Variants in KLHL6 observed in about 807,000 individuals in gnomAD.
The protein encoded by KLHL6 is kelch-like protein 6.
In KLHL6, 41 loss-of-function variants were observed where a neutral mutation model predicts 58.6. The observed-to-expected ratio is 0.70, with a 90% CI of 0.55 to 0.91. The LOEUF (loss-of-function observed/expected upper bound fraction) is 0.91, where lower values mean the gene tolerates loss of function less well. Among genes scored for constraint, KLHL6 ranks in the 40% least tolerant of loss-of-function variants. KLHL6 has a pLI of 0.00. For missense variants in KLHL6, 714 were observed against 805.6 expected, an observed-to-expected ratio of 0.89 and a Z score of 1.38; for synonymous variants, 338 against 322.7, an observed-to-expected ratio of 1.05 and a Z score of -0.51.
At chr3:183,508,627 G>A in intron 2 of KLHL6, 119 bp from the exon 3 acceptor site, 4 of 761,882 alleles carry the variant, frequency 5.3e-6, no homozygotes, top group Non-Finnish European at 2.1e-6. Context: ...CAACAGTACA[G>A]GATGAGCTAA....
chr3:183,534,950 A>ATATATAT (rs1356557331), intron 1 of KLHL6, among the ~76,000 whole-genome samples: 10 of 96,738 alleles, frequency 1.0e-4, no homozygotes, highest in African/African-American at 3.0e-4. Flanking sequence ...ATATATATAT[A>ATATATAT]TTTTTTTTTT....
chr3:183,535,336 C>T (rs1712330511), intron 1 of KLHL6, among the ~76,000 whole-genome samples: 1 of 152,228 alleles, frequency 6.6e-6, no homozygotes, highest in South Asian at 2.1e-4. Context: ...CCATATTAGA[C>T]AGTGCAGCTC....
rs760762501 is a variant in KLHL6, at chr3:183,499,559, C to T, written c.1147+31G>A. ...AGGAATATATGTAGTGCTACTGGAG[C>T]TTGCTTTGCCTTTACATGACTCCTG... is the stretch of plus-strand genomic sequence containing the variant. On this transcript the variant is annotated intron_variant, in intron 4 of 6. Coordinates refer to ENST00000341319, the MANE Select transcript of KLHL6 (RefSeq NM_130446.4). This position sits in a 1 kb window ranked among gnomAD's most constrained non-coding sequence, Gnocchi z 4.6. 3.1e-5 allele frequency: 45 copies of T among 1,474,208 alleles called. No homozygotes were observed. Among genetic ancestry groups the T allele is most frequent in the Non-Finnish European group, 4.0e-5 (43 of 1,078,140 alleles). 91.3% of individuals were successfully genotyped at this position (1,474,208 alleles called of 1,614,324 possible). A position where few individuals can be genotyped will look rare whatever the true frequency, so the allele number is the denominator to read the frequency against.
intron 2 of KLHL6, among the ~76,000 whole-genome samples, chr3:183,516,688 T>A (rs1462361727): frequency 6.6e-6 from 1 of 152,214 alleles, no homozygotes; most frequent in Non-Finnish European, 1.5e-5. Context: ...CATGTCTCCC[T>A]CAAGGTGCCT....
In KLHL6 at chr3:183,491,557, C is replaced by T. The variant is rs1041889728; in HGVS notation, c.*370G>A. On this transcript the variant is annotated 3_prime_UTR_variant, in exon 7 of 7. Transcript: ENST00000341319. ...CTTGCTATCTGAGTGATCAGGGGCA[C>T]GCCACTTAGCCTCTGTGAAACTTGG... is the stretch of plus-strand genomic sequence containing the variant. The T allele has an allele frequency of 8.8e-5, 17 of 192,430 alleles. No individual in the cohort carries two copies. The highest frequency in any genetic ancestry group is 1.1e-5 in the Non-Finnish European group (1 of 95,186). 11.9% of individuals were successfully genotyped at this position (192,430 alleles called of 1,614,324 possible). A position where few individuals can be genotyped will look rare whatever the true frequency, so the allele number is the denominator to read the frequency against.
chr3:183,500,975 T>A (rs992300295), intron 3 of KLHL6, among the ~76,000 whole-genome samples: 1 of 152,212 alleles, frequency 6.6e-6, no homozygotes, highest in Non-Finnish European at 1.5e-5. Flanking sequence ...AGCCTCTACT[T>A]TTCCATAACA....
Position 183,499,835 on chromosome 3 carries a change from TCGATGGGGGTACA to T in KLHL6, c.910-21_910-9del. 1 of 1,561,990 alleles carries T rather than the reference TCGATGGGGGTACA, an allele frequency of 6.4e-7. No individual in the cohort carries two copies. The highest frequency in any genetic ancestry group is 1.2e-5 in the South Asian group (1 of 83,902). On this transcript the variant is annotated splice_polypyrimidine_tract_variant and intron_variant, in intron 3 of 6. Coordinates refer to ENST00000341319, the MANE Select transcript of KLHL6 (RefSeq NM_130446.4). This position sits in a 1 kb window ranked among gnomAD's most constrained non-coding sequence, Gnocchi z 4.6. ...GGTGCGTTCCGAAATGATCTGGAAA[TCGATGGGGGTACA>T]TGAAGGCAGGGACAACACAAAGTTT...
chr3:183,533,431 CT>C (rs76733908), intron 1 of KLHL6, among the ~76,000 whole-genome samples: 248 of 144,646 alleles, frequency 1.7e-3, no homozygotes, highest in East Asian at 1.8e-3. Context: ...CCACACCCAA[CT>C]TTTTTTTTTT....
chr3:183,536,021 C>T (rs558088566), intron 1 of KLHL6, among the ~76,000 whole-genome samples: 2 of 152,104 alleles, frequency 1.3e-5, no homozygotes, highest in African/African-American at 4.8e-5. Context: ...TGATCTGCCC[C>T]CCTCGGGCTC....
At chr3:183,506,314 C>T (rs527591612) in intron 3 of KLHL6, among the ~76,000 whole-genome samples, 2 of 152,310 alleles carry the variant, frequency 1.3e-5, no homozygotes, top group African/African-American at 4.8e-5. Flanking sequence ...ATTCACCGTT[C>T]GTAGTACCCA....
At chr3:183,498,484 C>T (rs372393947) in intron 4 of KLHL6, among the ~76,000 whole-genome samples, 4 of 151,946 alleles carry the variant, frequency 2.6e-5, no homozygotes, top group East Asian at 1.9e-4. Flanking sequence ...AGAGTGTGGG[C>T]GTTAGGCTTA....
At chr3:183,497,628 G>A (rs1717750550) in intron 4 of KLHL6, among the ~76,000 whole-genome samples, 1 of 152,118 alleles carries the variant, frequency 6.6e-6, no homozygotes, top group African/African-American at 2.4e-5. Context: ...AGGCTTTTAT[G>A]AGCAGGTGTG....
intron 3 of KLHL6, among the ~76,000 whole-genome samples, chr3:183,502,087 C>G (rs926648523): frequency 6.6e-6 from 1 of 151,926 alleles, no homozygotes; most frequent in Non-Finnish European, 1.5e-5. Context: ...GTCAGGAGTT[C>G]GAGATCAGCC....
intron 1 of KLHL6, among the ~76,000 whole-genome samples, chr3:183,546,413 C>T (rs1277869192): frequency 6.6e-6 from 1 of 152,200 alleles, no homozygotes; most frequent in East Asian, 1.9e-4. Context: ...GCAGCAGCCT[C>T]CAGCTTCCAG....
At position 183,496,914 on chromosome 3, in the gene KLHL6, G is replaced by A. The variant is rs568520136; in HGVS notation, c.1148-2633C>T. On this transcript the variant is annotated intron_variant, in intron 4 of 6. Transcript: ENST00000341319. Reference sequence around the variant, plus strand: ...GCCCTCTGGGAGGCTGAGGTGGGCGGATCACCTGAGATCAGGAGTTCAAGA... The same window carrying A: ...GCCCTCTGGGAGGCTGAGGTGGGCGAATCACCTGAGATCAGGAGTTCAAGA... 2.2e-4 allele frequency among the ~76,000 whole-genome samples: 33 copies of A among 152,294 alleles called. No individual in the cohort carries two copies. The East Asian group carries it at 6.0e-3, about 28-fold the overall frequency.
intron 2 of KLHL6, among the ~76,000 whole-genome samples, chr3:183,514,369 A>G (rs1711506795): frequency 1.3e-5 from 2 of 151,858 alleles, no homozygotes; most frequent in Non-Finnish European, 2.9e-5. Context: ...AATTGCACCC[A>G]TCTCCTCACC....
chr3:183,526,168 G>A (rs554110474), intron 2 of KLHL6, among the ~76,000 whole-genome samples: 10 of 152,186 alleles, frequency 6.6e-5, no homozygotes, highest in African/African-American at 1.2e-4. Flanking sequence ...AAAATTAGCC[G>A]GGCGTGGTGG....
intron 3 of KLHL6, among the ~76,000 whole-genome samples, chr3:183,507,004 C>A (rs561229328): frequency 6.6e-6 from 1 of 152,078 alleles, no homozygotes; most frequent in Non-Finnish European, 1.5e-5. Context: ...AAAGCACATC[C>A]ACTTTGGGGA....
In KLHL6 at chr3:183,508,493, C is replaced by T. The variant is rs142525680; in HGVS notation, c.475G>A (p.Asp159Asn). The change falls in exon 3 of 7, where the codon GAT becomes AAT. Residue 159 changes from aspartate (D) to asparagine (N), a missense_variant. Transcript: ENST00000341319. ...TCAGTGAGGAAGCTGGCACAGGCAT[C>T]CACCATCCGCAGGAACTGATGAAAT... ...ANLFQFLRMV[D>N]ACASFLTEAL... 1.2e-4 allele frequency: 187 copies of T among 1,613,584 alleles called. 1 individual carries two copies. In the African/African-American group the frequency reaches 2.4e-3, roughly 21 times the overall value.
Sources: gnomAD v4.1 joint callset for allele counts (sites outside exome capture counted in the v4.1 genomes callset) on GRCh38, gnomAD v4.1.1 for gene constraint, Gnocchi (gnomAD v3.1) non-coding constraint, MANE v1.5 for transcripts, NCBI Gene and HGNC (gene_info 2026-07-23, HGNC 2026-07-21) for gene names.